The following HDAC4 variants were observed in gnomAD, a reference collection of about 807,000 sequenced individuals.
HDAC4 encodes histone deacetylase 4.
HDAC4 carries 16 observed loss-of-function variants against 135.1 expected under a neutral mutation model. That is an observed-to-expected ratio of 0.12 (90% CI 0.08 to 0.18). The LOEUF is 0.18. Ranked by LOEUF, HDAC4 falls within the 10% of genes least tolerant of loss-of-function variation. The pLI, the probability that HDAC4 is intolerant of heterozygous loss-of-function variation, is 1.00. For missense variants in HDAC4, 1,143 were observed against 1,511.8 expected, an observed-to-expected ratio of 0.76 and a Z score of 4.05; for synonymous variants, 685 against 653.4, an observed-to-expected ratio of 1.05 and a Z score of -0.74.
intron 12 of HDAC4, among the ~76,000 whole-genome samples, chr2:239,119,014 G>A (rs559746710): frequency 1.1e-4 from 16 of 152,286 alleles, no homozygotes; most frequent in African/African-American, 3.8e-4. Context: ...CAGCAGGGGC[G>A]CCGGGTGAAG....
At chr2:239,111,309 G>A (rs532569588) in intron 14 of HDAC4, among the ~76,000 whole-genome samples, 11 of 152,226 alleles carry the variant, frequency 7.2e-5, no homozygotes. Context: ...AAGTGAGCCC[G>A]TGACAGGTCC....
chr2:239,320,718 T>G (rs1438982940), intron 2 of HDAC4, among the ~76,000 whole-genome samples: 1 of 152,210 alleles, frequency 6.6e-6, no homozygotes, highest in Non-Finnish European at 1.5e-5. Flanking sequence ...TTAATGAAAC[T>G]GCTGACATCT....
At chr2:239,116,286 T>G (rs1353340769) in intron 12 of HDAC4, among the ~76,000 whole-genome samples, 1 of 152,104 alleles carries the variant, frequency 6.6e-6, no homozygotes, top group Non-Finnish European at 1.5e-5. Context: ...TAGCCTAGAG[T>G]GCCCATGAGC....
chr2:239,140,947 G>A lies in HDAC4; in HGVS notation c.866-1151C>T, dbSNP rs142797508. ...CCCGAGCCACAGTGAGGAGGATGAGGAGGGTGGGGGAACAGGTAAAGCCAC... is the reference window on the plus strand; with the variant it reads ...CCCGAGCCACAGTGAGGAGGATGAGAAGGGTGGGGGAACAGGTAAAGCCAC... On this transcript the variant is annotated intron_variant, in intron 8 of 26. Coordinates refer to ENST00000543185, the MANE Select transcript of HDAC4 (RefSeq NM_001378414.1). The A allele has an allele frequency of 3.5e-4, 158 of 454,886 alleles. 1 individual carries two copies. The highest frequency in any genetic ancestry group is 2.4e-3 in the African/African-American group (121 of 49,412). The allele number at this position is 454,886 out of a possible 1,614,324, so 28.2% of individuals were successfully genotyped here. A position where few individuals can be genotyped will look rare whatever the true frequency, so the allele number is the denominator to read the frequency against.
chr2:239,184,778 C>T (rs187824744), intron 4 of HDAC4, among the ~76,000 whole-genome samples: 929 of 76,954 alleles, frequency 0.012, 37 homozygotes, highest in African/African-American at 0.047. Context: ...AGTGTCTGCC[C>T]TGGAGGATGT....
chr2:239,231,033 A>G (rs1206924859), intron 3 of HDAC4, among the ~76,000 whole-genome samples: 1 of 152,206 alleles, frequency 6.6e-6, no homozygotes, highest in Non-Finnish European at 1.5e-5. Context: ...TGGGAATCCA[A>G]CGCTGAAGCC....
intron 6 of HDAC4, among the ~76,000 whole-genome samples, chr2:239,157,749 G>T (rs936093127): frequency 2.0e-5 from 3 of 152,224 alleles, no homozygotes; most frequent in African/African-American, 7.2e-5. Context: ...CAATGCACCT[G>T]GAGTTATTTG....
At chr2:239,100,589 T>G (rs1410940191) in intron 16 of HDAC4, among the ~76,000 whole-genome samples, 1 of 152,112 alleles carries the variant, frequency 6.6e-6, no homozygotes, top group African/African-American at 2.4e-5. Context: ...CCCTGGGTCC[T>G]CCTTGGTTGT....
intron 13 of HDAC4, among the ~76,000 whole-genome samples, chr2:239,112,353 G>A (rs1284803069): frequency 6.6e-6 from 1 of 152,190 alleles, no homozygotes; most frequent in South Asian, 2.1e-4. Context: ...AAGCACCATC[G>A]GCTCTCAGAC....
chr2:239,217,161 G>A (rs1289974927), intron 3 of HDAC4, among the ~76,000 whole-genome samples: 1 of 152,180 alleles, frequency 6.6e-6, no homozygotes, highest in East Asian at 1.9e-4. Flanking sequence ...GGGACCCGCT[G>A]GTGGCAGAGC....
At chr2:239,345,774 T>G (rs1272699705) in intron 2 of HDAC4, among the ~76,000 whole-genome samples, 2 of 110,974 alleles carry the variant, frequency 1.8e-5, no homozygotes, top group Non-Finnish European at 3.7e-5. Flanking sequence ...CTCACACACA[T>G]GCACTCAAAC....
chr2:239,149,853 G>A (rs375922972), intron 7 of HDAC4, among the ~76,000 whole-genome samples: 11 of 152,132 alleles, frequency 7.2e-5, no homozygotes, highest in South Asian at 2.1e-4. Flanking sequence ...CCGCCTGCTC[G>A]TGGAGGGGGT....
At chr2:239,278,782 C>T (rs1235616581) in intron 2 of HDAC4, among the ~76,000 whole-genome samples, 1 of 152,222 alleles carries the variant, frequency 6.6e-6, no homozygotes, top group Non-Finnish European at 1.5e-5. Context: ...CTTCAGGAAA[C>T]GGCTTTCCTG....
chr2:239,051,963 T>C lies in HDAC4; in HGVS notation c.*1134A>G, dbSNP rs958280260. 17 of 151,832 alleles carry C rather than the reference T, an allele frequency of 1.1e-4. No homozygotes were observed. The highest frequency in any genetic ancestry group is 4.1e-4 in the African/African-American group (17 of 41,298). The allele number at this position is 151,832 out of a possible 1,614,324, so 9.4% of individuals were successfully genotyped here. On this transcript the variant is annotated 3_prime_UTR_variant, in exon 27 of 27. Transcript: ENST00000543185. ...CATTGGAATATATATTATACATATA[T>C]ATATTTATTTATACCTAAAATTTAA...
intron 12 of HDAC4, among the ~76,000 whole-genome samples, chr2:239,125,265 A>C (rs1373095326): frequency 6.6e-6 from 1 of 152,156 alleles, no homozygotes; most frequent in African/African-American, 2.4e-5. Context: ...CACTGTAATG[A>C]GTGGGTTCTG....
rs1486690943 is a variant in HDAC4 at position 239,146,779 on chromosome 2, C to CA, written c.734-2066dup. ...CCCTCCCAAGGCTGCCCTGACCCCC[C>CA]ACAGCCCCACTGCCCCCATCACAGC... On this transcript the variant is annotated intron_variant, in intron 7 of 26. Coordinates refer to ENST00000543185, the MANE Select transcript of HDAC4 (RefSeq NM_001378414.1). This position sits in a 1 kb window ranked among gnomAD's most constrained non-coding sequence, Gnocchi z 4.5. 6.6e-6 allele frequency among the ~76,000 whole-genome samples: 1 copy of CA among 151,748 alleles called. No individual in the cohort carries two copies. Among genetic ancestry groups the CA allele is most frequent in the Non-Finnish European group, 1.5e-5 (1 of 67,946 alleles).
chr2:239,136,268 C>T (rs976075391), intron 9 of HDAC4, among the ~76,000 whole-genome samples: 36 of 152,180 alleles, frequency 2.4e-4, no homozygotes, highest in African/African-American at 8.4e-4. Flanking sequence ...TTTTAGCTCC[C>T]CCAGATGAAT....
At chr2:239,391,371 C>T (rs1444283288) in intron 1 of HDAC4, among the ~76,000 whole-genome samples, 2 of 152,180 alleles carry the variant, frequency 1.3e-5, no homozygotes, top group African/African-American at 2.4e-5. Context: ...CACCACACCA[C>T]GACCTGCTGC....
intron 1 of HDAC4, among the ~76,000 whole-genome samples, chr2:239,392,152 C>T (rs1049447731): frequency 1.3e-5 from 2 of 152,230 alleles, no homozygotes; most frequent in African/African-American, 2.4e-5. Flanking sequence ...CGGGCATGCA[C>T]GTAACGGCTC....
Sources: gnomAD v4.1 joint callset for allele counts (sites outside exome capture counted in the v4.1 genomes callset) on GRCh38, gnomAD v4.1.1 for gene constraint, Gnocchi (gnomAD v3.1) non-coding constraint, MANE v1.5 for transcripts, NCBI Gene and HGNC (gene_info 2026-07-23, HGNC 2026-07-21) for gene names.